PTPRT: variants seen among roughly 807,000 people sequenced by gnomAD.
PTPRT encodes protein tyrosine phosphatase receptor type T, also known as receptor-type tyrosine-protein phosphatase T.
A neutral mutation model predicts 176.8 loss-of-function variants in PTPRT; 56 were observed. The observed-to-expected ratio is 0.32, with a 90% CI of 0.26 to 0.40. The LOEUF (loss-of-function observed/expected upper bound fraction) is 0.40, where lower values mean the gene tolerates loss of function less well. Ranked by LOEUF, PTPRT falls within the 10% of genes least tolerant of loss-of-function variation. The probability of loss-of-function intolerance (pLI) is 1.00; values close to 1 mark genes in which losing one functional copy is unlikely to be tolerated. For missense variants in PTPRT, 1,540 were observed against 1,908.2 expected (o/e 0.81, Z 3.60); for synonymous variants, 783 against 739.0 (o/e 1.06, Z -0.96).
chr20:42,091,462 CCTTT>C (rs1411701346), intron 27 of PTPRT, among the ~76,000 whole-genome samples: 3 of 152,114 alleles, frequency 2.0e-5, no homozygotes, highest in African/African-American at 7.2e-5. Flanking sequence ...CTTAGTTATG[CCTTT>C]CTTTTATTAA....
chr20:43,095,634 C>G (rs976086021), intron 1 of PTPRT, among the ~76,000 whole-genome samples: 13 of 149,320 alleles, frequency 8.7e-5, no homozygotes, highest in African/African-American at 3.0e-4. Context: ...ACCGATCTCT[C>G]TCCCTGACTC....
chr20:43,123,099 C>T (rs543552440), intron 1 of PTPRT, among the ~76,000 whole-genome samples: 2 of 152,216 alleles, frequency 1.3e-5, no homozygotes, highest in East Asian at 3.9e-4. Context: ...GGTGATCCAC[C>T]CACCTTGGCC....
intron 9 of PTPRT, among the ~76,000 whole-genome samples, chr20:42,356,482 G>A (rs924000299): frequency 6.6e-6 from 1 of 151,902 alleles, no homozygotes; most frequent in Non-Finnish European, 1.5e-5. Context: ...ATCACCTGAG[G>A]TCGGGAGTTC....
chr20:42,413,806 G>A (rs181241835), intron 9 of PTPRT, among the ~76,000 whole-genome samples: 28 of 152,158 alleles, frequency 1.8e-4, no homozygotes, highest in Non-Finnish European at 2.8e-4. Flanking sequence ...TCTTTGATAT[G>A]TCACCTTCCT....
chr20:42,633,817 A>G (rs2074472947), intron 7 of PTPRT, among the ~76,000 whole-genome samples: 1 of 69,402 alleles, frequency 1.4e-5, no homozygotes, highest in Non-Finnish European at 2.9e-5. Flanking sequence ...ATATATATAT[A>G]TAATAAAATA....
At chr20:42,490,482 T>A (rs2071543494) in intron 7 of PTPRT, among the ~76,000 whole-genome samples, 1 of 152,166 alleles carries the variant, frequency 6.6e-6, no homozygotes, top group South Asian at 2.1e-4. Flanking sequence ...TGTATTACAA[T>A]TGTCTTAAAT....
At chr20:43,026,618 T>G (rs1375373901) in intron 1 of PTPRT, among the ~76,000 whole-genome samples, 1 of 152,226 alleles carries the variant, frequency 6.6e-6, no homozygotes, top group Non-Finnish European at 1.5e-5. Context: ...ATTCTCTTAG[T>G]TATTTTAAAT....
At chr20:42,784,087 G>A (rs766055) in intron 3 of PTPRT, among the ~76,000 whole-genome samples, 24,614 of 152,196 alleles carry the variant, frequency 0.16, 2,299 homozygotes, top group Non-Finnish European at 0.2. Context: ...CTCCTGGTGC[G>A]GGTGTTGAAG....
intron 7 of PTPRT, among the ~76,000 whole-genome samples, chr20:42,562,415 A>G (rs1170056174): frequency 6.6e-6 from 1 of 152,210 alleles, no homozygotes; most frequent in Admixed American, 6.5e-5. Context: ...GTTAATTCAC[A>G]TTATGGAGTG....
chr20:42,673,097 G>C (rs1353881468), intron 7 of PTPRT, among the ~76,000 whole-genome samples: 1 of 152,224 alleles, frequency 6.6e-6, no homozygotes, highest in Non-Finnish European at 1.5e-5. Flanking sequence ...GAGGACACTT[G>C]TGGGCAGAGG....
chr20:42,914,497 C>A (rs1209160829), intron 1 of PTPRT, among the ~76,000 whole-genome samples: 1 of 152,194 alleles, frequency 6.6e-6, no homozygotes. Flanking sequence ...AAATACTACT[C>A]AGCAATAAAA....
intron 7 of PTPRT, among the ~76,000 whole-genome samples, chr20:42,618,579 C>T (rs2074126150): frequency 7.7e-6 from 1 of 129,494 alleles, no homozygotes; most frequent in South Asian, 2.4e-4. Flanking sequence ...GAGTCTAAGT[C>T]TCTTTGTAGG....
chr20:42,160,723 C>T (rs1247783171), intron 17 of PTPRT, among the ~76,000 whole-genome samples: 3 of 152,188 alleles, frequency 2.0e-5, no homozygotes, highest in Admixed American at 6.6e-5. Flanking sequence ...CCCCAAACCT[C>T]GGTAACAACC....
intron 6 of PTPRT, among the ~76,000 whole-genome samples, chr20:42,700,906 G>C (rs2075964896): frequency 6.6e-6 from 1 of 152,178 alleles, no homozygotes; most frequent in South Asian, 2.1e-4. Context: ...ACAGGTGAGG[G>C]AGTAAGATGG....
rs528340359 is a variant in PTPRT, at chr20:43,116,102, C to T, written c.88+73544G>A. Among the ~76,000 whole-genome samples the T allele has an allele frequency of 5.3e-5, 8 of 152,284 alleles. No homozygotes were observed. In the South Asian group the frequency reaches 6.2e-4, roughly 12 times the overall value. On this transcript the variant is annotated intron_variant, in intron 1 of 30. Transcript: ENST00000373187. The stretch of plus-strand genomic sequence containing the variant: ...ACCTTGGCCTCATTAGCACCACATA[C>T]GAATCTACTGAGCAGGACAAATGAA...
At chr20:42,813,563 C>T (rs778965749) in intron 2 of PTPRT, among the ~76,000 whole-genome samples, 7 of 152,066 alleles carry the variant, frequency 4.6e-5, no homozygotes, top group Non-Finnish European at 4.4e-5. Context: ...TGACTCCACT[C>T]GGGTGGCTCC....
chr20:42,858,486 T>G (rs1336441492), intron 2 of PTPRT, among the ~76,000 whole-genome samples: 1 of 152,186 alleles, frequency 6.6e-6, no homozygotes, highest in Non-Finnish European at 1.5e-5. Context: ...GTGATGGTAT[T>G]AAGCGATGAG....
intron 1 of PTPRT, among the ~76,000 whole-genome samples, chr20:43,072,111 A>G (rs2011189549): frequency 6.6e-6 from 1 of 152,188 alleles, no homozygotes; most frequent in Non-Finnish European, 1.5e-5. Flanking sequence ...ACCGAGTCAA[A>G]CCAAACTGCA....
At chr20:42,811,128 G>A (rs1482709380) in intron 2 of PTPRT, among the ~76,000 whole-genome samples, 1 of 152,040 alleles carries the variant, frequency 6.6e-6, no homozygotes. Flanking sequence ...TTACTTTATT[G>A]TTATTGGGAA....
Sources: allele counts gnomAD v4.1 joint callset (sites outside exome capture counted in the v4.1 genomes callset), GRCh38; gene constraint gnomAD v4.1.1; transcripts MANE v1.5; gene names NCBI Gene and HGNC (gene_info 2026-07-23, HGNC 2026-07-21).